Variants in INSIG1 observed in about 807,000 individuals in gnomAD.
INSIG1 encodes the protein insulin-induced gene 1 protein.
Under a neutral mutation model 26.5 loss-of-function variants are expected in INSIG1, and 14 were observed. The observed-to-expected ratio is 0.53, with a 90% CI of 0.35 to 0.83. The LOEUF is 0.83. INSIG1 is among the 40% of genes least tolerant of loss of function. INSIG1 has a pLI of 0.01. For synonymous variants in INSIG1, 147 were observed against 153.3 expected (o/e 0.96, Z 0.30); for missense variants, 272 against 368.9 (o/e 0.74, Z 2.15).
chr7:155,301,794 C>A, intron 3 of INSIG1, 104 bp downstream of exon 3: 2 of 1,125,788 alleles, frequency 1.8e-6, no homozygotes, highest in Non-Finnish European at 2.4e-6. Context: ...ATAATACAGA[C>A]ATGATGGTGG....
chr7:155,300,730 A>G lies in INSIG1; in HGVS notation c.413-836A>G, dbSNP rs138654613. On this transcript the variant is annotated intron_variant, in intron 2 of 5. Coordinates refer to ENST00000340368, the MANE Select transcript of INSIG1 (RefSeq NM_005542.6). ...CTATAAAGAATAACTATTCCAGACC[A>G]CAGTGATCTCTTTCTCTGTGTCCCA... is the stretch of plus-strand genomic sequence containing the variant. 2.5e-4 allele frequency among the ~76,000 whole-genome samples: 38 copies of G among 152,350 alleles called. No individual in the cohort carries two copies. The East Asian group carries it at 7.1e-3, about 29-fold the overall frequency.
intron 5 of INSIG1, 151 bp from the exon 6 acceptor site, chr7:155,308,090 C>G (rs916782192): frequency 1.8e-6 from 1 of 563,222 alleles, no homozygotes; most frequent in African/African-American, 1.9e-5. Flanking sequence ...GTCTCCAGTT[C>G]TCTGCACATG....
chr7:155,298,156 G>T, intron 1 of INSIG1, 103 bp from the exon 2 acceptor site: 1 of 1,020,790 alleles, frequency 9.8e-7, no homozygotes, highest in Non-Finnish European at 1.3e-6. Context: ...CTAACCTTGG[G>T]GGGCGGCGCT....
Position 155,298,616 on chromosome 7 carries a change from G to A in INSIG1, c.331G>A (p.Val111Ile). The change falls in exon 2 of 6, where the codon GTC (valine) becomes ATC (isoleucine). Residue 111 changes from valine (V) to isoleucine (I), a missense_variant. Coordinates refer to ENST00000340368, the MANE Select transcript of INSIG1 (RefSeq NM_005542.6). ...CAACCTGCTGCAGATCCAGAGGAAT[G>A]TCACTCTCTTCCCCGAGGAGGTGAT... is the stretch of plus-strand genomic sequence containing the variant. ...VLNLLQIQRN[V>I]TLFPEEVIAT... 1 of 1,613,576 alleles carries A rather than the reference G, an allele frequency of 6.2e-7. No homozygotes were observed. The highest frequency in any genetic ancestry group is 1.1e-5 in the South Asian group (1 of 90,990).
rs1180120960 is a variant in INSIG1 at position 155,308,534 on chromosome 7, G to A, written c.*264G>A. The A allele has an allele frequency of 4.3e-6, 2 of 470,010 alleles. No homozygotes were observed. The highest frequency in any genetic ancestry group is 3.8e-5 in the African/African-American group (2 of 52,204). 29.1% of individuals were successfully genotyped at this position (470,010 alleles called of 1,614,324 possible). On this transcript the variant is annotated 3_prime_UTR_variant, in exon 6 of 6. Coordinates refer to ENST00000340368, the MANE Select transcript of INSIG1 (RefSeq NM_005542.6). ...GCCCAGGCTACGTGGGTTCAGGCAG[G>A]TGGCAGCTTCCCAAGTATTCGATTT...
chr7:155,302,146 T>C lies in INSIG1; in HGVS notation c.538-105T>C. Reference sequence around the variant, plus strand: ...CACAGTTTTTATGGACAGTGAATTATCTGTGGTACAATAATAAAATACCCA... The same window carrying C: ...CACAGTTTTTATGGACAGTGAATTACCTGTGGTACAATAATAAAATACCCA... On this transcript the variant is annotated intron_variant, in intron 3 of 5. Coordinates refer to ENST00000340368, the MANE Select transcript of INSIG1 (RefSeq NM_005542.6). The surrounding 1 kb of genome is among the most constrained non-coding windows in gnomAD (Gnocchi z 4.3). 1 of 820,316 alleles carries C rather than the reference T, an allele frequency of 1.2e-6. No individual in the cohort carries two copies. Among genetic ancestry groups the C allele is most frequent in the South Asian group, 2.2e-5 (1 of 44,796 alleles). 50.8% of individuals were successfully genotyped at this position (820,316 alleles called of 1,614,324 possible).
Position 155,298,675 on chromosome 7 carries a change from T to G in INSIG1, c.390T>G (p.Pro130=). 1 of 1,611,882 alleles carries G rather than the reference T, an allele frequency of 6.2e-7. No individual in the cohort carries two copies. The highest frequency in any genetic ancestry group is 1.3e-5 in the African/African-American group (1 of 75,048). ...TCTTTTCCTCCGCCTGGTGGGTCCC[T>G]CCCTGCTGCGGGACAGCAGCTGGTG... ...ATIFSSAWWV[P]PCCGTAAAVV... Residue 130 remains proline, a synonymous_variant, in exon 2 of 6, where the codon CCT becomes CCG. Transcript: ENST00000340368.
chr7:155,302,526 A>T lies in INSIG1; in HGVS notation c.704+109A>T, dbSNP rs967644581. 4.2e-6 allele frequency: 5 copies of T among 1,204,150 alleles called. No individual in the cohort carries two copies. The East Asian group carries it at 1.3e-4, about 31-fold the overall frequency. The allele number at this position is 1,204,150 out of a possible 1,614,324, so 74.6% of individuals were successfully genotyped here. On this transcript the variant is annotated intron_variant, in intron 4 of 5. Transcript: ENST00000340368. The surrounding 1 kb of genome is among the most constrained non-coding windows in gnomAD (Gnocchi z 4.3). ...TTTTATTTGTTTTTTATATAGAATG[A>T]TACAGATTTAGGCATGAAATTCTCA... is the stretch of plus-strand genomic sequence containing the variant.
chr7:155,305,214 T>C (rs1225749328), intron 5 of INSIG1, among the ~76,000 whole-genome samples: 1 of 151,724 alleles, frequency 6.6e-6, no homozygotes, highest in East Asian at 1.9e-4. Flanking sequence ...GGCTATCACA[T>C]GAAACTGACC....
intron 5 of INSIG1, among the ~76,000 whole-genome samples, chr7:155,304,622 A>C (rs1797885418): frequency 6.6e-6 from 1 of 152,230 alleles, no homozygotes; most frequent in African/African-American, 2.4e-5. Flanking sequence ...AACATTCATA[A>C]GTTCTAAACA....
In INSIG1 at chr7:155,301,582, G is replaced by T; in HGVS notation, c.429G>T (p.Leu143=). Residue 143 remains leucine, a synonymous_variant, in exon 3 of 6, where the codon CTG becomes CTT. Coordinates refer to ENST00000340368, the MANE Select transcript of INSIG1 (RefSeq NM_005542.6). ...TTAAAACAGCTGTTGTTGGCCTACT[G>T]TACCCCTGTATCGACAGTCACCTCG... ...CGTAAAVVGL[L]YPCIDSHLGE... is the part of the protein sequence containing the mutation. 6.2e-7 allele frequency: 1 copy of T among 1,608,030 alleles called. No homozygotes were observed.
intron 1 of INSIG1, 78 bp from the exon 2 acceptor site, chr7:155,298,181 G>A (rs1267674948): frequency 1.1e-5 from 14 of 1,234,856 alleles, no homozygotes; most frequent in Non-Finnish European, 1.1e-5. Flanking sequence ...CCTGGCCCGG[G>A]TGCCGGGGTT....
chr7:155,299,167 A>C (rs1281798687), intron 2 of INSIG1, among the ~76,000 whole-genome samples: 1 of 152,242 alleles, frequency 6.6e-6, no homozygotes, highest in Non-Finnish European at 1.5e-5. Context: ...GGCGGTTGCC[A>C]GGGGAGCAAC....
At position 155,298,543 on chromosome 7, in the gene INSIG1, G is replaced by T; in HGVS notation, c.258G>T (p.Gln86His). Residue 86 changes from glutamine (Q) to histidine (H), a missense_variant, in exon 2 of 6, where the codon CAG becomes CAT. Physicochemically the swap from Gln to His is conservative, Grantham distance 24. Transcript: ENST00000340368. ...YPNTWHHRLL[Q>H]RSLVLFSVGV... ...ACACCTGGCATCATCGCCTGTTGCA[G>T]AGGAGCCTCGTGCTCTTCTCGGTTG... 1 of 1,605,728 alleles carries T rather than the reference G, an allele frequency of 6.2e-7. No homozygotes were observed.
chr7:155,298,123 G>T, intron 1 of INSIG1, 136 bp from the exon 2 acceptor site: 4 of 613,024 alleles, frequency 6.5e-6, no homozygotes, highest in Non-Finnish European at 9.8e-6. Flanking sequence ...TCCGCCGCTG[G>T]CCCCGGGCGG....
intron 2 of INSIG1, among the ~76,000 whole-genome samples, chr7:155,299,296 T>TA (rs1797721987): frequency 6.6e-6 from 1 of 152,184 alleles, no homozygotes; most frequent in Admixed American, 6.5e-5. Flanking sequence ...GTAACCCCCT[T>TA]ACGGCGTTTA....
At chr7:155,298,720 C>A (rs1272711459) in intron 2 of INSIG1, 23 bp downstream of exon 2, 1 of 1,593,544 alleles carries the variant, frequency 6.3e-7, no homozygotes, top group African/African-American at 1.3e-5. Flanking sequence ...CCTGGTTCTT[C>A]TGGAAGTAAA....
At chr7:155,308,170 T>C in intron 5 of INSIG1, 71 bp from the exon 6 acceptor site, 1 of 783,168 alleles carries the variant, frequency 1.3e-6, no homozygotes, top group Non-Finnish European at 2.1e-6. Flanking sequence ...ACCTACTTAA[T>C]TGGTAATTAA....
Position 155,298,566 on chromosome 7 carries a change from T to C in INSIG1, c.281T>C (p.Val94Ala). The C allele has an allele frequency of 6.2e-7, 1 of 1,611,056 alleles. No individual in the cohort carries two copies. The highest frequency in any genetic ancestry group is 1.3e-5 in the African/African-American group (1 of 75,020). The part of the protein sequence containing the change: ...LLQRSLVLFS[V>A]GVVLALVLNL... ...CAGAGGAGCCTCGTGCTCTTCTCGG[T>C]TGGGGTGGTCCTAGCCCTGGTGCTC... The change falls in exon 2 of 6, where the codon GTT becomes GCT. Residue 94 changes from valine to alanine, a missense_variant. Around this residue, in one of 2 missense-constraint regions of INSIG1, gnomAD observed 161 missense variants for 179.2 expected, o/e 0.90. Transcript: ENST00000340368.
Sources: gnomAD v4.1 joint callset for allele counts (sites outside exome capture counted in the v4.1 genomes callset) on GRCh38, gnomAD v4.1.1 for gene constraint, gnomAD v4.1.1 regional missense constraint, Gnocchi (gnomAD v3.1) non-coding constraint, MANE v1.5 for transcripts, NCBI Gene and HGNC (gene_info 2026-07-23, HGNC 2026-07-21) for gene names.